The following TMEM236 variants were observed in gnomAD, a reference collection of about 807,000 sequenced individuals.
The protein encoded by TMEM236 is transmembrane protein 236.
TMEM236 carries 11 observed loss-of-function variants against 14.7 expected under a neutral mutation model. The observed-to-expected ratio is 0.75, with a 90% confidence interval of 0.47 to 1.24. The LOEUF (loss-of-function observed/expected upper bound fraction) is 1.24, where lower values mean the gene tolerates loss of function less well. Ranked by LOEUF, TMEM236 falls within the 50% of genes most tolerant of loss-of-function variation. The pLI is 0.00. For synonymous variants in TMEM236, 182 were observed against 168.6 expected, an observed-to-expected ratio of 1.08 and a Z score of -0.62; for missense variants, 464 against 427.3, an observed-to-expected ratio of 1.09 and a Z score of -0.76.
At chr10:17,757,545 G>A (rs1414220721) in intron 1 of TMEM236, among the ~76,000 whole-genome samples, 1 of 149,548 alleles carries the variant, frequency 6.7e-6, no homozygotes, top group African/African-American at 2.5e-5. Flanking sequence ...GCTGCAGTGT[G>A]TTGAGATCAT....
intron 1 of TMEM236, among the ~76,000 whole-genome samples, chr10:17,758,117 G>C (rs1011854609): frequency 1.1e-4 from 17 of 152,272 alleles, no homozygotes; most frequent in Admixed American, 2.0e-4. Flanking sequence ...CACCCAGAGT[G>C]CATTTGGCTC....
At chr10:17,793,018 C>A (rs1195092192) in intron 3 of TMEM236, among the ~76,000 whole-genome samples, 2 of 152,182 alleles carry the variant, frequency 1.3e-5, no homozygotes, top group African/African-American at 2.4e-5. Flanking sequence ...CTCCCCAGCC[C>A]TCTGGGAGGC....
intron 1 of TMEM236, among the ~76,000 whole-genome samples, chr10:17,770,533 G>A (rs880001922): frequency 0.087 from 13,160 of 152,002 alleles, 607 homozygotes; most frequent in Non-Finnish European, 0.1. Flanking sequence ...ACAGGTGCTC[G>A]CCACCACGCC....
chr10:17,776,248 A>G, intron 3 of TMEM236, 78 bp downstream of exon 3: 2 of 1,359,466 alleles, frequency 1.5e-6, no homozygotes, highest in East Asian at 2.3e-5. Flanking sequence ...TTATCTGACA[A>G]CATGTTTAAT....
chr10:17,775,536 A>G lies in TMEM236; in HGVS notation c.331-493A>G, dbSNP rs1263400884. On this transcript the variant is annotated intron_variant, in intron 2 of 3. Coordinates refer to ENST00000377495, the MANE Select transcript of TMEM236 (RefSeq NM_001098844.3). ...CAATCCTCCCACCTCAGCCCCGCAA[A>G]GTGCTGGGATTATAGGTGTGAGCCA... 2.6e-5 allele frequency among the ~76,000 whole-genome samples: 4 copies of G among 152,334 alleles called. No homozygotes were observed. In the South Asian group the frequency reaches 6.2e-4, roughly 24 times the overall value.
intron 1 of TMEM236, among the ~76,000 whole-genome samples, chr10:17,770,523 A>G (rs888204266): frequency 4.6e-5 from 7 of 152,116 alleles, no homozygotes; most frequent in South Asian, 4.1e-4. Context: ...AGCTGGGACT[A>G]CAGGTGCTCG....
chr10:17,760,890 G>A (rs1243909446), intron 1 of TMEM236, among the ~76,000 whole-genome samples: 1 of 152,126 alleles, frequency 6.6e-6, no homozygotes, highest in Admixed American at 6.6e-5. Context: ...GAACAGCACA[G>A]GAAAGACCCG....
intron 3 of TMEM236, among the ~76,000 whole-genome samples, chr10:17,777,153 C>A (rs1837670049): frequency 6.6e-6 from 1 of 152,182 alleles, no homozygotes; most frequent in Non-Finnish European, 1.5e-5. Flanking sequence ...ACCTTCCAGT[C>A]ACTCTTGCTG....
At chr10:17,783,110 A>G (rs1221084171) in intron 3 of TMEM236, among the ~76,000 whole-genome samples, 1 of 152,098 alleles carries the variant, frequency 6.6e-6, no homozygotes, top group East Asian at 1.9e-4. Flanking sequence ...GAAGCTGGGG[A>G]TGGAGAGAGT....
chr10:17,787,615 C>T (rs1837860182), intron 3 of TMEM236, among the ~76,000 whole-genome samples: 11 of 152,184 alleles, frequency 7.2e-5, no homozygotes, highest in Admixed American at 7.2e-4. Context: ...AAAGAAATTC[C>T]TCCCACCTTT....
At chr10:17,786,283 C>T (rs1837836483) in intron 3 of TMEM236, among the ~76,000 whole-genome samples, 1 of 152,166 alleles carries the variant, frequency 6.6e-6, no homozygotes, top group Admixed American at 6.5e-5. Context: ...AGGCATAGGT[C>T]ACTGATTTTC....
chr10:17,783,093 CA>C (rs1165813139), intron 3 of TMEM236, among the ~76,000 whole-genome samples: 2 of 151,982 alleles, frequency 1.3e-5, no homozygotes, highest in African/African-American at 4.8e-5. Context: ...AGGTGACTGG[CA>C]AAACAGAAGC....
At chr10:17,784,241 A>G (rs1302105378) in intron 3 of TMEM236, among the ~76,000 whole-genome samples, 2 of 152,232 alleles carry the variant, frequency 1.3e-5, no homozygotes, top group Non-Finnish European at 2.9e-5. Flanking sequence ...TCTCTATAGG[A>G]TACAAGTTGG....
intron 3 of TMEM236, among the ~76,000 whole-genome samples, chr10:17,779,550 A>C (rs1000120957): frequency 0.043 from 6,582 of 152,176 alleles, 280 homozygotes; most frequent in East Asian, 0.21. Flanking sequence ...AGCTGGGAAT[A>C]CAGGAGGGCA....
In TMEM236 at chr10:17,799,408, A is replaced by C. The variant is rs1293399487; in HGVS notation, c.*2904A>C. ...CCAAGAGTTCGAGACTAGCCTGGCC[A>C]ACATGGTGAAACACCGTCTGTACTA... On this transcript the variant is annotated 3_prime_UTR_variant, in exon 4 of 4. Transcript: ENST00000377495. 2 of 152,334 alleles carry C rather than the reference A, an allele frequency of 1.3e-5. No individual in the cohort carries two copies. The highest frequency in any genetic ancestry group is 2.9e-5 in the Non-Finnish European group (2 of 68,144). 9.4% of individuals were successfully genotyped at this position (152,334 alleles called of 1,614,324 possible).
At position 17,787,580 on chromosome 10, in the gene TMEM236, C is replaced by T. The variant is rs1006687658; in HGVS notation, c.473-8341C>T. Among the ~76,000 whole-genome samples, 9 of 152,328 alleles carry T rather than the reference C, an allele frequency of 5.9e-5. No individual in the cohort carries two copies. The East Asian group carries it at 1.4e-3, about 23-fold the overall frequency. Reference sequence around the variant, plus strand: ...GGTTTTTTCCCCAGAATGCTCATTGCTCCCTCATGCTAATAGATTCCAGAA... The same window carrying T: ...GGTTTTTTCCCCAGAATGCTCATTGTTCCCTCATGCTAATAGATTCCAGAA... On this transcript the variant is annotated intron_variant, in intron 3 of 3. Transcript: ENST00000377495.
chr10:17,754,848 C>T (rs1363763323), intron 1 of TMEM236, among the ~76,000 whole-genome samples: 5 of 152,106 alleles, frequency 3.3e-5, no homozygotes, highest in African/African-American at 1.2e-4. Context: ...ATCTTCAGAT[C>T]TGATTCTTAC....
chr10:17,762,845 G>A (rs923859421), intron 1 of TMEM236, among the ~76,000 whole-genome samples: 3 of 151,324 alleles, frequency 2.0e-5, no homozygotes, highest in African/African-American at 4.9e-5. Context: ...TGTAGAGACA[G>A]GATTTGCTAG....
intron 3 of TMEM236, among the ~76,000 whole-genome samples, chr10:17,784,928 C>G (rs1226606067): frequency 1.3e-5 from 2 of 152,074 alleles, no homozygotes; most frequent in Non-Finnish European, 2.9e-5. Flanking sequence ...AAATTGGAAC[C>G]AGGAATTTGT....
Sources: gnomAD v4.1 joint callset for allele counts (sites outside exome capture counted in the v4.1 genomes callset) on GRCh38, gnomAD v4.1.1 for gene constraint, MANE v1.5 for transcripts, NCBI Gene and HGNC (gene_info 2026-07-23, HGNC 2026-07-21) for gene names.